Variants in TCF12 observed in about 807,000 individuals in gnomAD.
TCF12 encodes the protein transcription factor 12, also known as DNA-binding protein HTF4.
In TCF12, 45 loss-of-function variants were observed where a neutral mutation model predicts 86.0. The ratio of observed to expected loss-of-function variants is 0.52; its 90% CI spans 0.41 to 0.67. The LOEUF is 0.67. TCF12 is among the 30% of genes least tolerant of loss of function. The probability of loss-of-function intolerance (pLI) is 0.00; values close to 1 mark genes in which losing one functional copy is unlikely to be tolerated. For synonymous variants in TCF12, 330 were observed against 299.6 expected (o/e 1.10, Z -1.05); for missense variants, 881 against 859.9 (o/e 1.02, Z -0.31).
At chr15:57,238,912 T>G (rs1266809347) in intron 12 of TCF12, among the ~76,000 whole-genome samples, 1 of 152,178 alleles carries the variant, frequency 6.6e-6, no homozygotes, top group African/African-American at 2.4e-5. Context: ...GGTGAAAATG[T>G]ATAAATGGGG....
chr15:57,086,088 C>T (rs2048603204), intron 4 of TCF12, among the ~76,000 whole-genome samples: 1 of 151,890 alleles, frequency 6.6e-6, no homozygotes, highest in South Asian at 2.1e-4. Context: ...GTCATTTGTT[C>T]AGCACCTGCT....
At chr15:57,171,435 C>G (rs1251754628) in intron 6 of TCF12, among the ~76,000 whole-genome samples, 5 of 151,950 alleles carry the variant, frequency 3.3e-5, no homozygotes. Flanking sequence ...CTTACCTATT[C>G]ACAAGCGACA....
chr15:56,932,061 G>A (rs1407466919), intron 3 of TCF12, among the ~76,000 whole-genome samples: 1 of 152,186 alleles, frequency 6.6e-6, no homozygotes, highest in Non-Finnish European at 1.5e-5. Context: ...CTTAGGAACA[G>A]TGCCTGTAGC....
intron 3 of TCF12, among the ~76,000 whole-genome samples, chr15:56,981,104 A>G (rs1456120647): frequency 3.3e-5 from 5 of 152,130 alleles, no homozygotes; most frequent in African/African-American, 1.2e-4. Flanking sequence ...CATGTGGGGG[A>G]CACTACATTT....
intron 3 of TCF12, among the ~76,000 whole-genome samples, chr15:56,943,352 AT>A (rs1222019024): frequency 1.3e-5 from 2 of 152,234 alleles, no homozygotes; most frequent in Non-Finnish European, 2.9e-5. Flanking sequence ...AAAGAAGAGC[AT>A]TAGCATTTCT....
intron 6 of TCF12, among the ~76,000 whole-genome samples, chr15:57,181,928 C>T (rs1415683336): frequency 6.6e-6 from 1 of 151,996 alleles, no homozygotes; most frequent in Non-Finnish European, 1.5e-5. Flanking sequence ...GTCTGGATGA[C>T]TGTATCTATA....
chr15:57,114,933 G>A (rs1356789854), intron 5 of TCF12, among the ~76,000 whole-genome samples: 1 of 150,146 alleles, frequency 6.7e-6, no homozygotes, highest in African/African-American at 2.4e-5. Context: ...TTTTTTTTTG[G>A]TAATGCAACA....
intron 6 of TCF12, among the ~76,000 whole-genome samples, chr15:57,187,188 AAG>A (rs2056721628): frequency 6.6e-6 from 1 of 151,914 alleles, no homozygotes; most frequent in Non-Finnish European, 1.5e-5. Context: ...AAAAAAAAAA[AAG>A]ATTCTGACAA....
At chr15:57,264,902 G>C (rs910722612) in intron 18 of TCF12, among the ~76,000 whole-genome samples, 1 of 151,874 alleles carries the variant, frequency 6.6e-6, no homozygotes, top group Non-Finnish European at 1.5e-5. Context: ...GCGAATTTTT[G>C]TATTGTTAGT....
chr15:57,211,983 A>ACACACACACACACACACAC (rs1269150980), intron 8 of TCF12, among the ~76,000 whole-genome samples: 1 of 2,198 alleles, frequency 4.5e-4, no homozygotes, highest in Non-Finnish European at 1.7e-3. Flanking sequence ...CACACACCAC[A>ACACACACACACACACACAC]CACACACACA....
chr15:57,262,610 C>T (rs2060639521), intron 17 of TCF12, among the ~76,000 whole-genome samples: 1 of 152,144 alleles, frequency 6.6e-6, no homozygotes, highest in Admixed American at 6.5e-5. Context: ...ATTGAAGAGA[C>T]ATGCAATTTT....
intron 8 of TCF12, among the ~76,000 whole-genome samples, chr15:57,202,783 C>T (rs1329942928): frequency 6.6e-6 from 1 of 152,072 alleles, no homozygotes; most frequent in Non-Finnish European, 1.5e-5. Context: ...CTGTTGAGTT[C>T]TCGGAACCTC....
chr15:57,263,091 T>C (rs773218945), intron 17 of TCF12, 21 bp from the exon 18 acceptor site: 2 of 1,581,030 alleles, frequency 1.3e-6, no homozygotes, highest in Non-Finnish European at 1.7e-6. Context: ...TTATTTTATC[T>C]TTCCTTTGCC....
At chr15:56,923,653 A>C (rs187007247) in intron 3 of TCF12, among the ~76,000 whole-genome samples, 54 of 152,296 alleles carry the variant, frequency 3.5e-4, no homozygotes, top group African/African-American at 1.2e-3. Context: ...GAAATGGTTC[A>C]GATGTTTAAA....
chr15:57,224,725 A>G (rs1451835445), intron 8 of TCF12, among the ~76,000 whole-genome samples: 1 of 152,206 alleles, frequency 6.6e-6, no homozygotes, highest in East Asian at 1.9e-4. Flanking sequence ...GAAAATATAA[A>G]CACATATTTA....
At chr15:57,043,125 C>T (rs1350118712) in intron 3 of TCF12, among the ~76,000 whole-genome samples, 5 of 151,942 alleles carry the variant, frequency 3.3e-5, no homozygotes, top group South Asian at 2.1e-4. Flanking sequence ...CACGTGTGTA[C>T]CACATTTTCT....
chr15:56,947,299 G>A (rs1294212512), intron 3 of TCF12, among the ~76,000 whole-genome samples: 1 of 151,702 alleles, frequency 6.6e-6, no homozygotes, highest in East Asian at 1.9e-4. Context: ...GAGTTTTACT[G>A]TGTGTGTGTG....
At chr15:57,277,957 TATATC>T (rs767154561) in intron 19 of TCF12, among the ~76,000 whole-genome samples, 10 of 151,832 alleles carry the variant, frequency 6.6e-5, no homozygotes, top group Non-Finnish European at 1.2e-4. Flanking sequence ...AAAAAAAAGA[TATATC>T]AGATATGCAA....
At chr15:57,161,468 T>C (rs1032139972) in intron 5 of TCF12, among the ~76,000 whole-genome samples, 2 of 152,244 alleles carry the variant, frequency 1.3e-5, no homozygotes, top group Non-Finnish European at 2.9e-5. Context: ...TGAATGTAGT[T>C]AATGTAAACC....
Sources: allele counts gnomAD v4.1 joint callset (sites outside exome capture counted in the v4.1 genomes callset), GRCh38; gene constraint gnomAD v4.1.1; transcripts MANE v1.5; gene names NCBI Gene and HGNC (gene_info 2026-07-23, HGNC 2026-07-21).